Variants in ST7 observed in about 807,000 individuals in gnomAD.
ST7 encodes suppressor of tumorigenicity 7 protein.
Under a neutral mutation model 78.7 loss-of-function variants are expected in ST7, and 28 were observed. That is an observed-to-expected ratio of 0.36 (90% CI 0.26 to 0.49). ST7 has a LOEUF of 0.49. ST7 is among the 20% of genes least tolerant of loss of function. The pLI is 0.99. For synonymous variants in ST7, 247 were observed against 249.6 expected (o/e 0.99, Z 0.10); for missense variants, 418 against 696.0 (o/e 0.60, Z 4.49).
chr7:117,164,130 T>G (rs964789951), intron 9 of ST7, among the ~76,000 whole-genome samples: 3 of 152,178 alleles, frequency 2.0e-5, no homozygotes, highest in African/African-American at 7.2e-5. Flanking sequence ...TGCATGGTAC[T>G]GGCATCAAAA....
intron 12 of ST7, chr7:117,198,433 C>T: frequency 2.7e-6 from 1 of 376,378 alleles, no homozygotes. Flanking sequence ...AATGCCTTGG[C>T]CTTGAGGACC....
At chr7:117,111,863 G>A (rs1802456862) in intron 2 of ST7, among the ~76,000 whole-genome samples, 1 of 151,582 alleles carries the variant, frequency 6.6e-6, no homozygotes, top group African/African-American at 2.4e-5. Context: ...TTTGAGAGTG[G>A]TAAGGTGGAT....
At chr7:117,073,886 T>C (rs1443929706) in intron 1 of ST7, 1 of 152,224 alleles carries the variant, frequency 6.6e-6, no homozygotes, top group Non-Finnish European at 1.5e-5. Flanking sequence ...GATATTGTTC[T>C]CGTGGAATGT....
intron 1 of ST7, among the ~76,000 whole-genome samples, chr7:116,993,307 G>A (rs558527873): frequency 6.6e-6 from 1 of 152,344 alleles, no homozygotes; most frequent in Admixed American, 6.5e-5. Flanking sequence ...CATGGCTGGG[G>A]AGGCCTCAGA....
intron 15 of ST7, among the ~76,000 whole-genome samples, chr7:117,226,718 G>C (rs182888248): frequency 4.6e-5 from 7 of 152,306 alleles, no homozygotes; most frequent in East Asian, 1.9e-4. Context: ...GGGATGGAAG[G>C]CTTGCTGTGG....
In ST7 at chr7:117,218,442, C is replaced by T. The variant is rs147662908; in HGVS notation, c.1406-642C>T. 8.6e-3 allele frequency among the ~76,000 whole-genome samples: 1,310 copies of T among 152,272 alleles called. 6 individuals carry two copies. Among genetic ancestry groups the T allele is most frequent in the Admixed American group, 0.014 (209 of 15,298 alleles). Reference sequence around the variant, plus strand: ...CTAATGTCATCTGATGCTACAAAAGCAGAATTTAGGTGGCCTAACATCATC... The same window carrying T: ...CTAATGTCATCTGATGCTACAAAAGTAGAATTTAGGTGGCCTAACATCATC... On this transcript the variant is annotated intron_variant, in intron 13 of 15. Coordinates refer to ENST00000323984, the MANE Select transcript of ST7 (RefSeq NM_001369598.1).
intron 4 of ST7, 144 bp downstream of exon 4, chr7:117,129,991 G>T: frequency 3.4e-6 from 2 of 587,302 alleles, no homozygotes; most frequent in Non-Finnish European, 2.9e-6. Context: ...CAAATGTTTT[G>T]ATTTTTCTGT....
intron 9 of ST7, among the ~76,000 whole-genome samples, chr7:117,157,334 T>C (rs1350736872): frequency 6.6e-6 from 1 of 152,202 alleles, no homozygotes; most frequent in African/African-American, 2.4e-5. Context: ...GGCTGGTTTC[T>C]GTAAATAGCA....
intron 1 of ST7, among the ~76,000 whole-genome samples, chr7:117,010,846 G>C (rs1037933355): frequency 6.6e-6 from 1 of 152,190 alleles, no homozygotes; most frequent in Non-Finnish European, 1.5e-5. Flanking sequence ...AGCCATGCTC[G>C]TTCTCCTCTG....
intron 1 of ST7, among the ~76,000 whole-genome samples, chr7:116,965,583 T>A (rs968211533): frequency 1.4e-4 from 21 of 152,238 alleles, no homozygotes; most frequent in Non-Finnish European, 2.4e-4. Flanking sequence ...ATAATAAAAA[T>A]TTTTTTAAAA....
intron 1 of ST7, among the ~76,000 whole-genome samples, chr7:117,052,921 GA>G (rs1045532592): frequency 6.6e-6 from 1 of 151,894 alleles, no homozygotes; most frequent in African/African-American, 2.4e-5. Context: ...ACAAACAAAC[GA>G]AAAAATCTAG....
intron 12 of ST7, among the ~76,000 whole-genome samples, chr7:117,206,426 G>A (rs1390890587): frequency 6.6e-6 from 1 of 152,160 alleles, no homozygotes; most frequent in Non-Finnish European, 1.5e-5. Flanking sequence ...GGGGTCTTAT[G>A]ATTTAGCAGA....
At chr7:117,138,298 G>A in intron 8 of ST7, 137 bp from the exon 9 acceptor site, 1 of 543,582 alleles carries the variant, frequency 1.8e-6, no homozygotes, top group Non-Finnish European at 3.3e-6. Flanking sequence ...GAGTCTAAGT[G>A]CTTTTACTTT....
intron 8 of ST7, among the ~76,000 whole-genome samples, chr7:117,137,730 A>G (rs1437140890): frequency 2.0e-5 from 3 of 152,182 alleles, no homozygotes; most frequent in Non-Finnish European, 4.4e-5. Context: ...ATCGAGGATT[A>G]AGCACATGCA....
intron 9 of ST7, among the ~76,000 whole-genome samples, chr7:117,145,204 C>CA (rs57611948): frequency 6.0e-5 from 9 of 150,322 alleles, no homozygotes; most frequent in Non-Finnish European, 1.2e-4. Context: ...GACCCCATCT[C>CA]AAAAAAAAAG....
At chr7:117,030,418 C>T (rs1452688679) in intron 1 of ST7, among the ~76,000 whole-genome samples, 1 of 152,144 alleles carries the variant, frequency 6.6e-6, no homozygotes, top group Non-Finnish European at 1.5e-5. Flanking sequence ...TGAGATTTCA[C>T]TAAACAGATG....
At chr7:117,020,595 T>C in intron 1 of ST7, 1 of 1,550,496 alleles carries the variant, frequency 6.4e-7, no homozygotes, top group Non-Finnish European at 8.7e-7. Flanking sequence ...AAAAGCAGCC[T>C]CTGGAGCCAG....
chr7:116,977,890 G>GA (rs1793777267), intron 1 of ST7, among the ~76,000 whole-genome samples: 1 of 152,116 alleles, frequency 6.6e-6, no homozygotes, highest in African/African-American at 2.4e-5. Context: ...GGCCATACCT[G>GA]AAAAAACAAT....
chr7:117,089,379 C>T (rs1256227984), intron 1 of ST7, among the ~76,000 whole-genome samples: 1 of 152,004 alleles, frequency 6.6e-6, no homozygotes. Flanking sequence ...TTTTAAGTAG[C>T]ACATTGAGGA....
Sources: gnomAD v4.1 joint callset for allele counts (sites outside exome capture counted in the v4.1 genomes callset) on GRCh38, gnomAD v4.1.1 for gene constraint, MANE v1.5 for transcripts, NCBI Gene and HGNC (gene_info 2026-07-23, HGNC 2026-07-21) for gene names.